The following RABGAP1L variants were observed in gnomAD, a reference collection of about 807,000 sequenced individuals.
RABGAP1L encodes the protein RAB GTPase activating protein 1 like, also known as rab GTPase-activating protein 1-like.
A neutral mutation model predicts 137.7 loss-of-function variants in RABGAP1L; 63 were observed. The ratio of observed to expected loss-of-function variants is 0.46; its 90% CI spans 0.37 to 0.56. The LOEUF (loss-of-function observed/expected upper bound fraction) is 0.56. RABGAP1L is among the 20% of genes least tolerant of loss of function. The pLI is 0.00. For synonymous variants in RABGAP1L, 431 were observed against 433.7 expected (o/e 0.99, Z 0.08); for missense variants, 1,095 against 1,244.0 (o/e 0.88, Z 1.80).
chr1:174,878,925 GTTTTT>G (rs869251284), intron 19 of RABGAP1L, among the ~76,000 whole-genome samples: 1 of 85,184 alleles, frequency 1.2e-5, no homozygotes, highest in Non-Finnish European at 2.2e-5. Flanking sequence ...TTTGTGCATT[GTTTTT>G]TTTTTTTTTT....
intron 4 of RABGAP1L, among the ~76,000 whole-genome samples, chr1:174,239,767 A>G (rs1671628636): frequency 6.6e-6 from 1 of 152,230 alleles, no homozygotes; most frequent in African/African-American, 2.4e-5. Context: ...ACAAATAAGC[A>G]GACCAGGTCA....
intron 18 of RABGAP1L, among the ~76,000 whole-genome samples, chr1:174,802,783 G>A (rs991301800): frequency 6.6e-6 from 1 of 152,206 alleles, no homozygotes; most frequent in Non-Finnish European, 1.5e-5. Flanking sequence ...CTGCTATTCA[G>A]TAAGTTACTG....
At chr1:174,731,888 G>A (rs775845353) in intron 17 of RABGAP1L, among the ~76,000 whole-genome samples, 5 of 152,142 alleles carry the variant, frequency 3.3e-5, no homozygotes, top group Non-Finnish European at 5.9e-5. Context: ...AAGGGACTAT[G>A]TTTCTACTAT....
At chr1:174,318,488 C>T (rs935102188) in intron 11 of RABGAP1L, among the ~76,000 whole-genome samples, 1 of 151,942 alleles carries the variant, frequency 6.6e-6, no homozygotes, top group Non-Finnish European at 1.5e-5. Context: ...TTCCATTCAG[C>T]CACTCTATGT....
chr1:174,504,453 G>T (rs1661632111), intron 13 of RABGAP1L, among the ~76,000 whole-genome samples: 1 of 149,486 alleles, frequency 6.7e-6, no homozygotes, highest in African/African-American at 2.4e-5. Context: ...AAAGCTGGAA[G>T]CATAACACAA....
chr1:174,210,128 G>C (rs930862409), intron 1 of RABGAP1L, among the ~76,000 whole-genome samples: 4 of 152,068 alleles, frequency 2.6e-5, no homozygotes, highest in Non-Finnish European at 5.9e-5. Context: ...TTCCCAAGAA[G>C]ATGGGTACAA....
intron 1 of RABGAP1L, among the ~76,000 whole-genome samples, chr1:174,218,797 A>G (rs1669536015): frequency 6.6e-6 from 1 of 152,112 alleles, no homozygotes; most frequent in Admixed American, 6.6e-5. Context: ...TATTTCCTCT[A>G]TTAAAAAGAA....
intron 10 of RABGAP1L, among the ~76,000 whole-genome samples, chr1:174,288,974 G>C (rs1676329249): frequency 6.6e-6 from 1 of 151,826 alleles, no homozygotes; most frequent in Non-Finnish European, 1.5e-5. Flanking sequence ...CTTCTGCTTG[G>C]CCAAGTCTGC....
At chr1:174,613,574 T>C (rs1409899218) in intron 13 of RABGAP1L, among the ~76,000 whole-genome samples, 3 of 152,296 alleles carry the variant, frequency 2.0e-5, no homozygotes, top group South Asian at 2.1e-4. Context: ...CTGTTAGGTC[T>C]GCTTGGTGCA....
chr1:174,892,635 A>G, intron 19 of RABGAP1L: 1 of 534,314 alleles, frequency 1.9e-6, no homozygotes, highest in South Asian at 1.4e-5. Context: ...TTCTTATTTG[A>G]TGAGGCTGCT....
intron 19 of RABGAP1L, chr1:174,921,978 G>T (rs1235691230): frequency 1.3e-5 from 2 of 152,252 alleles, no homozygotes; most frequent in East Asian, 1.9e-4. Flanking sequence ...AAACACTATT[G>T]AAATCAATAT....
chr1:174,430,344 C>T (rs189428443), intron 13 of RABGAP1L, among the ~76,000 whole-genome samples: 18 of 151,368 alleles, frequency 1.2e-4, no homozygotes, highest in African/African-American at 3.4e-4. Flanking sequence ...GATGACAGAG[C>T]CAGACTCTGT....
At chr1:174,680,272 T>C (rs1005903405) in intron 14 of RABGAP1L, among the ~76,000 whole-genome samples, 5 of 152,146 alleles carry the variant, frequency 3.3e-5, no homozygotes, top group African/African-American at 9.7e-5. Context: ...GAGCCTTTGG[T>C]AGGTGATTGC....
chr1:174,178,174 TCTC>T (rs1283993809), intron 1 of RABGAP1L, among the ~76,000 whole-genome samples: 1 of 152,164 alleles, frequency 6.6e-6, no homozygotes, highest in Non-Finnish European at 1.5e-5. Flanking sequence ...GGTTTGTAGT[TCTC>T]CTTGAAGAGG....
intron 15 of RABGAP1L, among the ~76,000 whole-genome samples, chr1:174,691,608 A>G (rs1043108703): frequency 1.3e-5 from 2 of 152,194 alleles, no homozygotes; most frequent in African/African-American, 2.4e-5. Context: ...TTCCTTAATG[A>G]AATAACACTG....
At chr1:174,623,979 A>G (rs1479675902) in intron 13 of RABGAP1L, among the ~76,000 whole-genome samples, 1 of 152,238 alleles carries the variant, frequency 6.6e-6, no homozygotes, top group Non-Finnish European at 1.5e-5. Flanking sequence ...TGGCTTAACA[A>G]AACTGAGACT....
intron 15 of RABGAP1L, among the ~76,000 whole-genome samples, chr1:174,698,727 ATATAT>A (rs1381670050): frequency 2.0e-5 from 3 of 152,168 alleles, no homozygotes; most frequent in African/African-American, 7.2e-5. Context: ...GATTTCCAAC[ATATAT>A]TGTTAAGGAA....
intron 13 of RABGAP1L, among the ~76,000 whole-genome samples, chr1:174,461,858 G>T (rs948131320): frequency 1.1e-4 from 16 of 151,992 alleles, no homozygotes; most frequent in African/African-American, 2.4e-5. Flanking sequence ...GGACTTATAG[G>T]CTCTTTTTGA....
At position 174,990,272 on chromosome 1, in the gene RABGAP1L, T is replaced by C. The variant is rs1442092550; in HGVS notation, c.*271T>C. ...ATTATTTTGTTTGCCTGATGTTTAG[T>C]TGGAAATAAGTAATTCAGAACTAAA... On this transcript the variant is annotated 3_prime_UTR_variant, in exon 26 of 26. Transcript: ENST00000681986. 2.9e-5 allele frequency: 9 copies of C among 308,894 alleles called. No homozygotes were observed. The highest frequency in any genetic ancestry group is 4.7e-5 in the Non-Finnish European group (8 of 171,232). The allele number at this position is 308,894 out of a possible 1,614,324, so 19.1% of individuals were successfully genotyped here.
Sources: gnomAD v4.1 joint callset for allele counts (sites outside exome capture counted in the v4.1 genomes callset) on GRCh38, gnomAD v4.1.1 for gene constraint, MANE v1.5 for transcripts, NCBI Gene and HGNC (gene_info 2026-07-23, HGNC 2026-07-21) for gene names.